The following UBE2E1 variants were observed in gnomAD, a reference collection of about 807,000 sequenced individuals.
UBE2E1 encodes the protein ubiquitin-conjugating enzyme E2 E1.
In UBE2E1, 6 loss-of-function variants were observed where a neutral mutation model predicts 21.4. The ratio of observed to expected loss-of-function variants is 0.28; its 90% CI spans 0.15 to 0.55. The LOEUF (loss-of-function observed/expected upper bound fraction) is 0.55, where lower values mean the gene tolerates loss of function less well. UBE2E1 is among the 20% of genes least tolerant of loss of function. The pLI is 0.93. For missense variants in UBE2E1, 142 were observed against 236.5 expected, an observed-to-expected ratio of 0.60 and a Z score of 2.62; for synonymous variants, 87 against 82.7, an observed-to-expected ratio of 1.05 and a Z score of -0.28.
In UBE2E1 at chr3:23,845,561, TTCTCTCTCTC is replaced by T. The variant is rs144798695; in HGVS notation, c.203+34071_203+34080del. 1.3e-4 allele frequency among the ~76,000 whole-genome samples: 18 copies of T among 137,012 alleles called. No homozygotes were observed. In the East Asian group the frequency reaches 3.6e-3, roughly 27 times the overall value. 89.9% of individuals were successfully genotyped at this position (137,012 alleles called of 152,430 possible). On this transcript the variant is annotated intron_variant, in intron 3 of 5. Transcript: ENST00000306627. ...TTGTCCATCTCCCCACTGTTTTGGT[TTCTCTCTCTC>T]TCTCTCTCTCTCTCTCTCTGTGTGT...
chr3:23,889,419 T>C (rs374033064), intron 5 of UBE2E1, 160 bp downstream of exon 5: 3 of 1,471,374 alleles, frequency 2.0e-6, no homozygotes, highest in Non-Finnish European at 2.7e-6. Flanking sequence ...TTCAGTCTAC[T>C]AGTTGAGACA....
chr3:23,823,416 A>G lies in UBE2E1; in HGVS notation c.203+11906A>G, dbSNP rs1366850037. ...AGCATTAGGTGCTGAACTGCCAGAG[A>G]CAAGCAACAAATAATATGTGGAACC... On this transcript the variant is annotated intron_variant, in intron 3 of 5. Transcript: ENST00000306627. This position sits in a 1 kb window ranked among gnomAD's most constrained non-coding sequence, Gnocchi z 4.2. Among the ~76,000 whole-genome samples the G allele has an allele frequency of 6.6e-6, 1 of 152,252 alleles. No homozygotes were observed. Among genetic ancestry groups the G allele is most frequent in the Non-Finnish European group, 1.5e-5 (1 of 68,050 alleles).
intron 3 of UBE2E1, among the ~76,000 whole-genome samples, chr3:23,882,118 C>CA (rs1701058107): frequency 1.3e-5 from 2 of 152,190 alleles, no homozygotes; most frequent in Admixed American, 6.5e-5. Flanking sequence ...TCCACAGTGT[C>CA]AAAGGGGGCC....
chr3:23,887,237 G>A lies in UBE2E1; in HGVS notation c.204-330G>A, dbSNP rs576460202. Among the ~76,000 whole-genome samples, 5 of 152,148 alleles carry A rather than the reference G, an allele frequency of 3.3e-5. No homozygotes were observed. Among genetic ancestry groups the A allele is most frequent in the Admixed American group, 6.5e-5 (1 of 15,280 alleles). On this transcript the variant is annotated intron_variant, in intron 3 of 5. Transcript: ENST00000306627. This position sits in a 1 kb window ranked among gnomAD's most constrained non-coding sequence, Gnocchi z 4.4. The stretch of plus-strand genomic sequence containing the variant: ...ACTGCTCGCATTTGTCACTAATTTC[G>A]CTTCTAGGTGCTGAGATGTGTTTCC...
chr3:23,874,623 A>G (rs1456030797), intron 3 of UBE2E1, among the ~76,000 whole-genome samples: 4 of 152,168 alleles, frequency 2.6e-5, no homozygotes, highest in East Asian at 3.9e-4. Flanking sequence ...CACACACAGC[A>G]TTGGATTCTG....
At chr3:23,847,156 A>G (rs1700225744) in intron 3 of UBE2E1, among the ~76,000 whole-genome samples, 1 of 152,196 alleles carries the variant, frequency 6.6e-6, no homozygotes, top group African/African-American at 2.4e-5. Context: ...ATAATTACTA[A>G]TAATTACATC....
At chr3:23,889,459 A>G in intron 5 of UBE2E1, 200 bp downstream of exon 5, 5 of 1,406,754 alleles carry the variant, frequency 3.6e-6, no homozygotes, top group Non-Finnish European at 3.7e-6. Context: ...ATATTCTAGC[A>G]ACAAGGTATT....
chr3:23,808,115 G>A lies in UBE2E1; in HGVS notation c.152+694G>A, dbSNP rs958015177. On this transcript the variant is annotated intron_variant, in intron 2 of 5. Coordinates refer to ENST00000306627, the MANE Select transcript of UBE2E1 (RefSeq NM_003341.5). The surrounding 1 kb of genome is among the most constrained non-coding windows in gnomAD (Gnocchi z 4.9). ...TTTGCTGTCCTCATGCTGTGAAAAT[G>A]TTACTTTGCCTTATTTTTTCAATTT... Among the ~76,000 whole-genome samples the A allele has an allele frequency of 6.6e-6, 1 of 152,126 alleles. No individual in the cohort carries two copies. Among genetic ancestry groups the A allele is most frequent in the Non-Finnish European group, 1.5e-5 (1 of 68,006 alleles).
At chr3:23,859,755 G>A (rs571781142) in intron 3 of UBE2E1, among the ~76,000 whole-genome samples, 9 of 152,284 alleles carry the variant, frequency 5.9e-5, no homozygotes, top group Admixed American at 1.3e-4. Flanking sequence ...TTCATTGAGG[G>A]TAAACTGTCT....
At chr3:23,885,679 G>T (rs1267456305) in intron 3 of UBE2E1, among the ~76,000 whole-genome samples, 1 of 150,576 alleles carries the variant, frequency 6.6e-6, no homozygotes, top group Admixed American at 6.6e-5. Context: ...TGACCAACAT[G>T]GTGAAACCCC....
intron 3 of UBE2E1, among the ~76,000 whole-genome samples, chr3:23,858,649 T>A (rs1186545599): frequency 6.6e-6 from 1 of 152,172 alleles, no homozygotes; most frequent in Non-Finnish European, 1.5e-5. Context: ...AAGACAAACC[T>A]TTATATTGAG....
intron 3 of UBE2E1, among the ~76,000 whole-genome samples, chr3:23,839,342 T>C (rs1021992440): frequency 1.3e-5 from 2 of 151,844 alleles, no homozygotes; most frequent in African/African-American, 4.8e-5. Flanking sequence ...CATGCGCATG[T>C]AGTCTCAGCT....
intron 3 of UBE2E1, among the ~76,000 whole-genome samples, chr3:23,851,790 C>A (rs776083172): frequency 2.8e-4 from 42 of 151,780 alleles, no homozygotes; most frequent in South Asian, 2.1e-4. Context: ...GACCCTGTCT[C>A]TAAAAAATAA....
chr3:23,813,721 T>C (rs918717663), intron 3 of UBE2E1, among the ~76,000 whole-genome samples: 29 of 152,048 alleles, frequency 1.9e-4, no homozygotes, highest in Admixed American at 1.9e-3. Context: ...TTTTGTATTT[T>C]GGGTAGAGAT....
At position 23,887,842 on chromosome 3, in the gene UBE2E1, C is replaced by A; in HGVS notation, c.336+143C>A. On this transcript the variant is annotated intron_variant, in intron 4 of 5. Coordinates refer to ENST00000306627, the MANE Select transcript of UBE2E1 (RefSeq NM_003341.5). The surrounding 1 kb of genome is among the most constrained non-coding windows in gnomAD (Gnocchi z 4.4). ...TCTGAGTATTTTAACATATACAAAA[C>A]ACTTCTTTAGGTTGATTTTGCCTTA... The A allele has an allele frequency of 8.6e-7, 1 of 1,161,712 alleles. No homozygotes were observed. Among genetic ancestry groups the A allele is most frequent in the Non-Finnish European group, 1.2e-6 (1 of 852,732 alleles). The allele number at this position is 1,161,712 out of a possible 1,614,324, so 72.0% of individuals were successfully genotyped here. A position where few individuals can be genotyped will look rare whatever the true frequency, so the allele number is the denominator to read the frequency against.
rs1034532721 is a variant in UBE2E1, at chr3:23,810,010, G to T, written c.153-1450G>T. Among the ~76,000 whole-genome samples, 1 of 152,190 alleles carries T rather than the reference G, an allele frequency of 6.6e-6. No homozygotes were observed. The highest frequency in any genetic ancestry group is 1.5e-5 in the Non-Finnish European group (1 of 68,032). On this transcript the variant is annotated intron_variant, in intron 2 of 5. Coordinates refer to ENST00000306627, the MANE Select transcript of UBE2E1 (RefSeq NM_003341.5). This position sits in a 1 kb window ranked among gnomAD's most constrained non-coding sequence, Gnocchi z 5.8. The stretch of plus-strand genomic sequence containing the variant: ...GACAGGAAATGTCCTCCAGTAGGAA[G>T]GTTTATAGAACCTCCCCCAGTCGTC...
At chr3:23,822,485 C>T (rs1267081566) in intron 3 of UBE2E1, among the ~76,000 whole-genome samples, 1 of 151,888 alleles carries the variant, frequency 6.6e-6, no homozygotes, top group Non-Finnish European at 1.5e-5. Context: ...GATCTCCCCT[C>T]TTTCCTCACC....
rs752587182 is a variant in UBE2E1 at position 23,887,633 on chromosome 3, G to C, written c.270G>C (p.Val90=). 1 of 1,614,114 alleles carries C rather than the reference G, an allele frequency of 6.2e-7. No homozygotes were observed. The highest frequency in any genetic ancestry group is 8.5e-7 in the Non-Finnish European group (1 of 1,180,010). ...CCATTCTAGGGCCTCCAGGATCCGT[G>C]TATGAGGGTGGTGTATTCTTTCTCG... The part of the protein sequence containing the change: ...RSTILGPPGS[V]YEGGVFFLDI... The change falls in exon 4 of 6, where the codon GTG becomes GTC. Residue 90 remains valine (V), a synonymous_variant. Transcript: ENST00000306627. This position sits in a 1 kb window ranked among gnomAD's most constrained non-coding sequence, Gnocchi z 4.4.
chr3:23,810,522 A>G lies in UBE2E1; in HGVS notation c.153-938A>G. The G allele has an allele frequency of 6.5e-7, 1 of 1,535,214 alleles. No homozygotes were observed. Among genetic ancestry groups the G allele is most frequent in the Non-Finnish European group, 8.7e-7 (1 of 1,146,410 alleles). ...CGGGAAGTTAGAGGACGCCCGGGGA[A>G]AAGCAGGTCCGGGGAGGTGGGCCGA... On this transcript the variant is annotated intron_variant, in intron 2 of 5. Coordinates refer to ENST00000306627, the MANE Select transcript of UBE2E1 (RefSeq NM_003341.5). This position sits in a 1 kb window ranked among gnomAD's most constrained non-coding sequence, Gnocchi z 5.8.
Sources: allele counts gnomAD v4.1 joint callset (sites outside exome capture counted in the v4.1 genomes callset), GRCh38; gene constraint gnomAD v4.1.1; non-coding constraint Gnocchi (gnomAD v3.1); transcripts MANE v1.5; gene names NCBI Gene and HGNC (gene_info 2026-07-23, HGNC 2026-07-21).